GNB4: variants seen among roughly 807,000 people sequenced by gnomAD.
GNB4 encodes guanine nucleotide-binding protein subunit beta-4.
In GNB4, 28 loss-of-function variants were observed where a neutral mutation model predicts 45.2. That is an observed-to-expected ratio of 0.62 (90% CI 0.46 to 0.85). The LOEUF (loss-of-function observed/expected upper bound fraction) is 0.85, where lower values mean the gene tolerates loss of function less well. GNB4 is among the 40% of genes least tolerant of loss of function. The pLI, the probability that GNB4 is intolerant of heterozygous loss-of-function variation, is 0.00. For missense variants in GNB4, 321 were observed against 425.4 expected (o/e 0.75, Z 2.16); for synonymous variants, 132 against 143.7 (o/e 0.92, Z 0.58).
the GNB4 span, among the ~76,000 whole-genome samples, chr3:179,500,094 C>G: frequency 1.3e-5 from 2 of 152,166 alleles, no homozygotes; most frequent in African/African-American, 4.8e-5. Flanking sequence ...TAATTAGATC[C>G]TATTTGTCAA....
chr3:179,468,035 A>AAAAAAAAAATATATATAT, the GNB4 span, among the ~76,000 whole-genome samples: 64 of 89,858 alleles, frequency 7.1e-4, 2 homozygotes, highest in African/African-American at 2.4e-3. Context: ...TGTTGATAAA[A>AAAAAAAAAATATATATAT]ATATATATAT....
the GNB4 span, among the ~76,000 whole-genome samples, chr3:179,518,005 T>C: frequency 6.6e-6 from 1 of 151,918 alleles, no homozygotes; most frequent in Non-Finnish European, 1.5e-5. Flanking sequence ...CCTTCTCCAC[T>C]TTCCTGGGGG....
chr3:179,423,576 G>A (rs958925882), intron 2 of GNB4, among the ~76,000 whole-genome samples: 5 of 152,278 alleles, frequency 3.3e-5, no homozygotes, highest in African/African-American at 1.2e-4. Flanking sequence ...GAGGTCAAGC[G>A]ATCAAGACCA....
rs1469160683 is a variant in GNB4 at position 179,397,589 on chromosome 3, A to C, written c.*3624T>G. On this transcript the variant is annotated 3_prime_UTR_variant, in exon 10 of 10. Transcript: ENST00000232564. Reference sequence around the variant, plus strand: ...ATGAAGCCCAAATCTTTGCCTCTGAAGACGGAATTCAATGTGGTGTGTGTA... The same window carrying C: ...ATGAAGCCCAAATCTTTGCCTCTGACGACGGAATTCAATGTGGTGTGTGTA... The C allele has an allele frequency of 6.5e-6, 1 of 152,680 alleles. No individual in the cohort carries two copies. The highest frequency in any genetic ancestry group is 1.5e-5 in the Non-Finnish European group (1 of 68,072). The allele number at this position is 152,680 out of a possible 1,614,324, so 9.5% of individuals were successfully genotyped here. A position where few individuals can be genotyped will look rare whatever the true frequency, so the allele number is the denominator to read the frequency against.
chr3:179,497,060 T>G, the GNB4 span, among the ~76,000 whole-genome samples: 4 of 152,228 alleles, frequency 2.6e-5, no homozygotes, highest in Non-Finnish European at 4.4e-5. Flanking sequence ...TTTAGTTGCT[T>G]GAATTGTAAA....
At chr3:179,425,753 G>A (rs1444977686) in intron 2 of GNB4, among the ~76,000 whole-genome samples, 2 of 152,238 alleles carry the variant, frequency 1.3e-5, no homozygotes, top group Non-Finnish European at 2.9e-5. Context: ...TTACAGGCAT[G>A]AGCCACTGTG....
chr3:179,440,272 A>C (rs1290586451), intron 1 of GNB4, among the ~76,000 whole-genome samples: 4 of 152,222 alleles, frequency 2.6e-5, no homozygotes, highest in Admixed American at 2.6e-4. Flanking sequence ...AATGAAATAA[A>C]TACCCAGGTC....
At chr3:179,509,168 T>TATATACACACAC in the GNB4 span, among the ~76,000 whole-genome samples, 2 of 146,900 alleles carry the variant, frequency 1.4e-5, no homozygotes, top group Non-Finnish European at 3.0e-5. Flanking sequence ...TATATATACA[T>TATATACACACAC]ACACACACAC....
the GNB4 span, among the ~76,000 whole-genome samples, chr3:179,504,668 C>T: frequency 2.8e-4 from 42 of 152,186 alleles, no homozygotes; most frequent in East Asian, 6.8e-3. Context: ...TAAGAGCTGC[C>T]CCTGATAATA....
chr3:179,479,598 TAC>T, the GNB4 span, among the ~76,000 whole-genome samples: 1 of 152,002 alleles, frequency 6.6e-6, no homozygotes, highest in African/African-American at 2.4e-5. Flanking sequence ...AAAACACATG[TAC>T]ACACACACAC....
chr3:179,438,648 C>A (rs1016420177), intron 1 of GNB4, among the ~76,000 whole-genome samples: 1 of 152,166 alleles, frequency 6.6e-6, no homozygotes, highest in Non-Finnish European at 1.5e-5. Flanking sequence ...TTAACTACTT[C>A]TTCCTCTACT....
rs544421253 is a variant in GNB4, at chr3:179,437,763, T to C, written c.-42-11521A>G. Reference sequence around the variant, plus strand: ...GACCTGTAATACACATGAGGAGGACTGCCTGGCACAAAGGCAGGATAGGCC... The same window carrying C: ...GACCTGTAATACACATGAGGAGGACCGCCTGGCACAAAGGCAGGATAGGCC... On this transcript the variant is annotated intron_variant, in intron 1 of 9. Coordinates refer to ENST00000232564, the MANE Select transcript of GNB4 (RefSeq NM_021629.4). The C allele has an allele frequency of 2.0e-5, 3 of 152,156 alleles. No individual in the cohort carries two copies. In the South Asian group the frequency reaches 6.2e-4, roughly 32 times the overall value. The allele number at this position is 152,156 out of a possible 1,614,324, so 9.4% of individuals were successfully genotyped here.
At position 179,398,800 on chromosome 3, in the gene GNB4, C is replaced by T. The variant is rs568021879; in HGVS notation, c.*2413G>A. On this transcript the variant is annotated 3_prime_UTR_variant, in exon 10 of 10. Transcript: ENST00000232564. ...AATTGTGGTAGTGAGGCTACTCTGT[C>T]GCCATTTGTTTATGTGTATAATTAA... 3.3e-5 allele frequency: 5 copies of T among 152,022 alleles called. No individual in the cohort carries two copies. In the South Asian group the frequency reaches 8.3e-4, roughly 25 times the overall value. The allele number at this position is 152,022 out of a possible 1,614,324, so 9.4% of individuals were successfully genotyped here. A position where few individuals can be genotyped will look rare whatever the true frequency, so the allele number is the denominator to read the frequency against.
chr3:179,481,146 C>A, the GNB4 span, among the ~76,000 whole-genome samples: 2 of 152,098 alleles, frequency 1.3e-5, no homozygotes, highest in Non-Finnish European at 2.9e-5. Context: ...CCACTGCGCC[C>A]GGCCGCAAAC....
upstream of GNB4, chr3:179,451,622 G>GGCGGGGGGCGAAGGGA (rs1715881858): frequency 6.6e-6 from 1 of 151,316 alleles, no homozygotes; most frequent in Non-Finnish European, 1.5e-5. Flanking sequence ...GCGCAGCCCG[G>GGCGGGGGGCGAAGGGA]GCGGGGGGCG....
the GNB4 span, among the ~76,000 whole-genome samples, chr3:179,471,264 AGTGTATAGTG>A: frequency 2.6e-5 from 4 of 152,258 alleles, no homozygotes; most frequent in African/African-American, 9.6e-5. Flanking sequence ...GCGTAGCCTA[AGTGTATAGTG>A]TTTATAAGTC....
At chr3:179,432,348 A>C (rs886921730) in intron 1 of GNB4, among the ~76,000 whole-genome samples, 10 of 152,178 alleles carry the variant, frequency 6.6e-5, no homozygotes, top group Non-Finnish European at 1.5e-5. Context: ...TTAAAAAAAA[A>C]CACAACTGAT....
chr3:179,521,142 A>G, the GNB4 span, among the ~76,000 whole-genome samples: 144 of 151,992 alleles, frequency 9.5e-4, no homozygotes, highest in Non-Finnish European at 1.5e-3. Flanking sequence ...TGGTAGACAC[A>G]GGGTCTAAGA....
chr3:179,488,984 C>CAA, the GNB4 span, among the ~76,000 whole-genome samples: 10 of 18,694 alleles, frequency 5.3e-4, 1 homozygote, highest in Admixed American at 1.2e-3. Context: ...ATCCTGTATC[C>CAA]AAAAAAAAAA....
Sources: gnomAD v4.1 joint callset for allele counts (sites outside exome capture counted in the v4.1 genomes callset) on GRCh38, gnomAD v4.1.1 for gene constraint, MANE v1.5 for transcripts, NCBI Gene and HGNC (gene_info 2026-07-23, HGNC 2026-07-21) for gene names.